MROH9: variants seen among roughly 807,000 people sequenced by gnomAD.
MROH9 encodes the protein maestro heat like repeat family member 9.
Under a neutral mutation model 98.2 loss-of-function variants are expected in MROH9, and 92 were observed. The ratio of observed to expected loss-of-function variants is 0.94; its 90% CI spans 0.79 to 1.11. The LOEUF is 1.11. Among genes scored for constraint, MROH9 ranks in the 50% most tolerant of loss-of-function variants. MROH9 has a pLI of 0.00. For synonymous variants in MROH9, 397 were observed against 368.9 expected, an observed-to-expected ratio of 1.08 and a Z score of -0.87; for missense variants, 1,057 against 1,014.8, an observed-to-expected ratio of 1.04 and a Z score of -0.57.
intron 20 of MROH9, among the ~76,000 whole-genome samples, chr1:171,046,327 C>A (rs1653472912): frequency 6.6e-6 from 1 of 152,108 alleles, no homozygotes; most frequent in Admixed American, 6.5e-5. Context: ...TTACTCCTGT[C>A]ATTTTATTAT....
At chr1:171,024,849 G>C (rs1016280156) in intron 19 of MROH9, 84 bp downstream of exon 19, 3 of 765,568 alleles carry the variant, frequency 3.9e-6, no homozygotes, top group South Asian at 3.5e-5. Context: ...CTGTAATGGG[G>C]ATAAGAGTGG....
intron 20 of MROH9, among the ~76,000 whole-genome samples, chr1:171,049,812 C>T (rs1033975571): frequency 6.6e-6 from 1 of 152,024 alleles, no homozygotes; most frequent in Non-Finnish European, 1.5e-5. Flanking sequence ...CCCTAAGTAG[C>T]TAGGACTATA....
intron 3 of MROH9, 27 bp from the exon 4 acceptor site, chr1:170,958,429 CTTTTT>C (rs374865486): frequency 7.0e-5 from 69 of 990,102 alleles, no homozygotes; most frequent in Admixed American, 1.2e-4. Flanking sequence ...ATTAATTCTT[CTTTTT>C]TTTTTTTTTT....
chr1:171,057,947 G>A (rs181670379), intron 20 of MROH9, among the ~76,000 whole-genome samples: 85 of 151,706 alleles, frequency 5.6e-4, no homozygotes, highest in Non-Finnish European at 1.0e-3. Context: ...AGGCCTGCCC[G>A]AAAGAAGCAC....
chr1:171,016,332 A>T lies in MROH9; in HGVS notation c.1904A>T (p.Asp635Val). The T allele has an allele frequency of 5.3e-6, 8 of 1,497,596 alleles. No homozygotes were observed. The highest frequency in any genetic ancestry group is 7.1e-6 in the Non-Finnish European group (8 of 1,122,620). 92.8% of individuals were successfully genotyped at this position (1,497,596 alleles called of 1,614,324 possible). Residue 635 changes from aspartate (D) to valine (V), a missense_variant, in exon 17 of 22, where the codon GAT becomes GTT. Physicochemically the swap from Asp to Val is radical, Grantham distance 152. Coordinates refer to ENST00000367759, the MANE Select transcript of MROH9 (RefSeq NM_001163629.2). ...GGTTCCAGCTACTGTACTCTGATGG[A>T]TCATGTGAGTTACACAGTTAGATAT... ...RIGSSYCTLM[D>V]HINGGIRSMA...
At chr1:170,974,776 T>C (rs1016576158) in intron 8 of MROH9, among the ~76,000 whole-genome samples, 1 of 152,068 alleles carries the variant, frequency 6.6e-6, no homozygotes, top group African/African-American at 2.4e-5. Flanking sequence ...TTTATCTTTC[T>C]TATTTAAATC....
intron 15 of MROH9, among the ~76,000 whole-genome samples, chr1:171,001,184 G>A (rs73038276): frequency 6.6e-6 from 1 of 151,922 alleles, no homozygotes; most frequent in Non-Finnish European, 1.5e-5. Context: ...TCTTTACAAA[G>A]AACCAGTTTT....
At chr1:170,975,278 T>C (rs1181425652) in intron 8 of MROH9, among the ~76,000 whole-genome samples, 1 of 152,110 alleles carries the variant, frequency 6.6e-6, no homozygotes, top group Non-Finnish European at 1.5e-5. Flanking sequence ...TAGACAATGA[T>C]ATAACATGTT....
intron 2 of MROH9, among the ~76,000 whole-genome samples, chr1:170,945,988 A>G (rs1649316967): frequency 6.6e-6 from 1 of 152,052 alleles, no homozygotes; most frequent in Admixed American, 6.6e-5. Flanking sequence ...AGCCAAAGGG[A>G]TCACAGAGAA....
At position 170,945,533 on chromosome 1, in the gene MROH9, A is replaced by G; in HGVS notation, c.-24A>G. The G allele has an allele frequency of 1.2e-6, 2 of 1,611,962 alleles. No individual in the cohort carries two copies. The highest frequency in any genetic ancestry group is 1.7e-6 in the Non-Finnish European group (2 of 1,178,676). ...TATTTTTTGCAGCATTACTAGTAGA[A>G]GACTTTAATACACCTCTGTCAGCAT... is the stretch of plus-strand genomic sequence containing the variant. On this transcript the variant is annotated 5_prime_UTR_variant, in exon 2 of 22. Transcript: ENST00000367759.
At chr1:170,992,094 T>C (rs949182048) in intron 11 of MROH9, 70 bp from the exon 12 acceptor site, 1 of 1,433,362 alleles carries the variant, frequency 7.0e-7, no homozygotes, top group African/African-American at 1.4e-5. Flanking sequence ...TTTTCCTGAT[T>C]CTTGTTATTC....
intron 17 of MROH9, among the ~76,000 whole-genome samples, chr1:171,018,042 A>C (rs1652387689): frequency 6.6e-6 from 1 of 152,148 alleles, no homozygotes; most frequent in African/African-American, 2.4e-5. Context: ...CCACCAAGGG[A>C]CAGCCAAAGT....
intron 6 of MROH9, 106 bp from the exon 7 acceptor site, chr1:170,965,045 C>A: frequency 1.5e-6 from 1 of 663,248 alleles, no homozygotes; most frequent in Non-Finnish European, 2.6e-6. Flanking sequence ...GTGAAATAAC[C>A]AGGAGAATGT....
Position 171,064,091 on chromosome 1 carries a change from T to G in MROH9, c.2345-8T>G, listed in dbSNP as rs1226896360. On this transcript the variant is annotated splice_polypyrimidine_tract_variant and splice_region_variant and intron_variant, in intron 21 of 21. Transcript: ENST00000367759. ...TAACTTGAACTAAAGTCTCTTCTGA[T>G]ATTACAGTTATTGAACGACTGCTCC... 1 of 1,531,666 alleles carries G rather than the reference T, an allele frequency of 6.5e-7. No homozygotes were observed. Among genetic ancestry groups the G allele is most frequent in the East Asian group, 2.4e-5 (1 of 40,842 alleles). 94.9% of individuals were successfully genotyped at this position (1,531,666 alleles called of 1,614,324 possible). A position where few individuals can be genotyped will look rare whatever the true frequency, so the allele number is the denominator to read the frequency against.
chr1:170,989,265 C>G (rs1651262117), intron 10 of MROH9, among the ~76,000 whole-genome samples: 1 of 152,130 alleles, frequency 6.6e-6, no homozygotes, highest in African/African-American at 2.4e-5. Context: ...ATTGAATACA[C>G]AGCCACTGAT....
chr1:171,039,712 T>C (rs1653233436), intron 20 of MROH9, among the ~76,000 whole-genome samples: 1 of 152,148 alleles, frequency 6.6e-6, no homozygotes, highest in Admixed American at 6.6e-5. Flanking sequence ...TTAATACTTG[T>C]TAGCATGAGA....
At chr1:171,039,271 G>T (rs1653218222) in intron 20 of MROH9, among the ~76,000 whole-genome samples, 1 of 152,132 alleles carries the variant, frequency 6.6e-6, no homozygotes, top group African/African-American at 2.4e-5. Flanking sequence ...TGGTAACATT[G>T]TATTTATGAA....
chr1:170,949,909 C>CA (rs1649481247), intron 3 of MROH9, among the ~76,000 whole-genome samples: 1 of 152,028 alleles, frequency 6.6e-6, no homozygotes, highest in Non-Finnish European at 1.5e-5. Flanking sequence ...AGTACAGAGA[C>CA]ATGTGAGAGA....
At chr1:170,947,655 G>C in intron 3 of MROH9, 82 bp downstream of exon 3, 1 of 1,239,042 alleles carries the variant, frequency 8.1e-7, no homozygotes, top group Non-Finnish European at 1.2e-6. Flanking sequence ...TTACAAGGAT[G>C]TTACAAGTAA....
Sources: gnomAD v4.1 joint callset for allele counts (sites outside exome capture counted in the v4.1 genomes callset) on GRCh38, gnomAD v4.1.1 for gene constraint, MANE v1.5 for transcripts, NCBI Gene and HGNC (gene_info 2026-07-23, HGNC 2026-07-21) for gene names.